Variants in PCNT observed in about 807,000 individuals in gnomAD.
PCNT encodes pericentrin, also known as kendrin.
PCNT carries 319 observed loss-of-function variants against 380.4 expected under a neutral mutation model. That is an observed-to-expected ratio of 0.84 (90% confidence interval 0.77 to 0.92). The LOEUF (loss-of-function observed/expected upper bound fraction) is 0.92, where lower values mean the gene tolerates loss of function less well. Ranked by LOEUF, PCNT falls within the 40% of genes least tolerant of loss-of-function variation. The pLI is 0.00. For missense variants in PCNT, 4,400 were observed against 4,255.3 expected (o/e 1.03, Z -0.95); for synonymous variants, 1,845 against 1,735.2 (o/e 1.06, Z -1.57).
intron 14 of PCNT, 24 bp downstream of exon 14, chr21:46,363,958 G>T: frequency 6.3e-7 from 1 of 1,595,368 alleles, no homozygotes; most frequent in Admixed American, 1.7e-5. Flanking sequence ...GACGCCATCT[G>T]CAGTCCCTGT....
In PCNT at chr21:46,440,717, G is replaced by A. The variant is rs1354103747; in HGVS notation, c.9394-138G>A. On this transcript the variant is annotated intron_variant, in intron 42 of 46. Transcript: ENST00000359568. ...TTGTTTCTGGCCACAGATACTGTTGGAAGGCCGATGGCTCTGTGATGATTT... is the reference window on the plus strand; with the variant it reads ...TTGTTTCTGGCCACAGATACTGTTGAAAGGCCGATGGCTCTGTGATGATTT... The A allele has an allele frequency of 5.7e-6, 3 of 527,622 alleles. No homozygotes were observed. The African/African-American group carries it at 2.1e-4, about 36-fold the overall frequency. The allele number at this position is 527,622 out of a possible 1,614,324, so 32.7% of individuals were successfully genotyped here.
At chr21:46,432,320 C>CAGAGCAGACCAGG in intron 38 of PCNT, 105 bp downstream of exon 38, 1 of 1,025,520 alleles carries the variant, frequency 9.8e-7, no homozygotes, top group Non-Finnish European at 1.5e-6. Context: ...GCCCTCTGAC[C>CAGAGCAGACCAGG]TGGTCTGCTC....
At chr21:46,393,051 A>G (rs966206467) in intron 21 of PCNT, among the ~76,000 whole-genome samples, 7 of 151,876 alleles carry the variant, frequency 4.6e-5, no homozygotes, top group Non-Finnish European at 8.8e-5. Flanking sequence ...TCGGGGGTGG[A>G]TTTTCCTTGG....
At chr21:46,423,076 C>G (rs1251887988) in intron 32 of PCNT, among the ~76,000 whole-genome samples, 1 of 152,118 alleles carries the variant, frequency 6.6e-6, no homozygotes, top group Non-Finnish European at 1.5e-5. Flanking sequence ...AGTAAGACCC[C>G]TCTCTGTCAG....
intron 29 of PCNT, 35 bp from the exon 30 acceptor site, chr21:46,416,034 T>G: frequency 6.2e-7 from 1 of 1,611,458 alleles, no homozygotes; most frequent in Non-Finnish European, 8.5e-7. Flanking sequence ...GTGAGCCAGG[T>G]ATTCCACCGT....
chr21:46,374,463 A>G (rs1170619090), intron 15 of PCNT, among the ~76,000 whole-genome samples: 3 of 152,106 alleles, frequency 2.0e-5, no homozygotes, highest in Non-Finnish European at 4.4e-5. Flanking sequence ...GTGTTGGTAG[A>G]TCCACAGGCC....
At chr21:46,324,567 G>T (rs982907701) in intron 1 of PCNT, among the ~76,000 whole-genome samples, 24 of 119,736 alleles carry the variant, frequency 2.0e-4, no homozygotes, top group African/African-American at 7.5e-4. Flanking sequence ...CTGCGTCGGG[G>T]GGGGTGGGGC....
Position 46,411,310 on chromosome 21 carries a change from T to G in PCNT, c.5237T>G (p.Ile1746Ser). ...AEEIEQLHEV[I>S]EKLQHELSLM... is the part of the protein sequence containing the mutation. ...GAAATTGAACAACTCCATGAAGTCA[T>G]TGAGAAGCTGCAGCACGAGCTGTCC... The change falls in exon 28 of 47, where the codon ATT becomes AGT. Residue 1746 changes from isoleucine to serine, a missense_variant. By Grantham distance (142) the Ile-to-Ser change is moderately radical. Coordinates refer to ENST00000359568, the MANE Select transcript of PCNT (RefSeq NM_006031.6). 6.2e-7 allele frequency: 1 copy of G among 1,614,164 alleles called. No individual in the cohort carries two copies. Among genetic ancestry groups the G allele is most frequent in the Non-Finnish European group, 8.5e-7 (1 of 1,180,014 alleles).
intron 21 of PCNT, among the ~76,000 whole-genome samples, chr21:46,392,872 G>GT (rs2086080192): frequency 6.6e-6 from 1 of 152,136 alleles, no homozygotes; most frequent in Non-Finnish European, 1.5e-5. Flanking sequence ...TTCCCCTCGT[G>GT]TATCTTTTCT....
chr21:46,392,970 G>A (rs1045705607), intron 21 of PCNT, among the ~76,000 whole-genome samples: 1 of 152,208 alleles, frequency 6.6e-6, no homozygotes, highest in Non-Finnish European at 1.5e-5. Context: ...TTAAAAGCCT[G>A]TCTGTGAGTA....
At chr21:46,375,194 C>T (rs535709821) in intron 15 of PCNT, among the ~76,000 whole-genome samples, 2 of 152,306 alleles carry the variant, frequency 1.3e-5, no homozygotes, top group African/African-American at 4.8e-5. Flanking sequence ...GGTAACACGA[C>T]GCAGAGCTGA....
At position 46,324,418 on chromosome 21, in the gene PCNT, G is replaced by A. The variant is rs1403284232; in HGVS notation, c.54+136G>A. 4.8e-5 allele frequency: 38 copies of A among 795,450 alleles called. No homozygotes were observed. In the East Asian group the frequency reaches 1.0e-3, roughly 21 times the overall value. 49.3% of individuals were successfully genotyped at this position (795,450 alleles called of 1,614,324 possible). A position where few individuals can be genotyped will look rare whatever the true frequency, so the allele number is the denominator to read the frequency against. ...CGCGGAGGTCTCGCTTTTTCCCGCC[G>A]GCTCCGCTGGAAGCCGCCTCCTGGC... On this transcript the variant is annotated intron_variant, in intron 1 of 46. Coordinates refer to ENST00000359568, the MANE Select transcript of PCNT (RefSeq NM_006031.6).
At chr21:46,430,469 C>T in intron 36 of PCNT, 38 bp from the exon 37 acceptor site, 2 of 1,548,910 alleles carry the variant, frequency 1.3e-6, no homozygotes, top group South Asian at 1.2e-5. Flanking sequence ...CACACTCTGG[C>T]CCACGTGGTC....
intron 3 of PCNT, among the ~76,000 whole-genome samples, chr21:46,339,445 C>T (rs1167532279): frequency 1.3e-5 from 2 of 152,110 alleles, no homozygotes; most frequent in Non-Finnish European, 2.9e-5. Flanking sequence ...TAAGGAGCAT[C>T]GAGTCACATA....
chr21:46,325,853 A>G (rs1450077801), intron 1 of PCNT, among the ~76,000 whole-genome samples: 7 of 152,244 alleles, frequency 4.6e-5, no homozygotes, highest in Admixed American at 4.6e-4. Flanking sequence ...GAGCTGTGTC[A>G]TGAAAAATAG....
intron 15 of PCNT, among the ~76,000 whole-genome samples, chr21:46,381,050 G>A (rs187764487): frequency 2.0e-5 from 3 of 151,744 alleles, no homozygotes; most frequent in East Asian, 1.9e-4. Context: ...GGTGGCAGGC[G>A]CCTATAATCC....
chr21:46,352,197 C>T (rs959042696), intron 9 of PCNT, among the ~76,000 whole-genome samples: 1 of 152,216 alleles, frequency 6.6e-6, no homozygotes. Flanking sequence ...AGCCTTTTGG[C>T]CCAACTTGTC....
intron 14 of PCNT, among the ~76,000 whole-genome samples, chr21:46,364,393 C>T (rs1361522909): frequency 6.6e-6 from 1 of 152,056 alleles, no homozygotes; most frequent in African/African-American, 2.4e-5. Flanking sequence ...AGGCTGGCAG[C>T]TGCCGCCCCA....
chr21:46,398,296 G>T (rs377217118), intron 24 of PCNT, 41 bp downstream of exon 24: 1 of 1,577,008 alleles, frequency 6.3e-7, no homozygotes, highest in East Asian at 2.3e-5. Flanking sequence ...CTGCGCTGGC[G>T]CCCAGGCTCC....
Sources: allele counts gnomAD v4.1 joint callset (sites outside exome capture counted in the v4.1 genomes callset), GRCh38; gene constraint gnomAD v4.1.1; transcripts MANE v1.5; gene names NCBI Gene and HGNC (gene_info 2026-07-23, HGNC 2026-07-21).